The following HERC5 variants were observed in gnomAD, a reference collection of about 807,000 sequenced individuals.
HERC5 encodes the protein E3 ISG15--protein ligase HERC5.
Under a neutral mutation model 119.6 loss-of-function variants are expected in HERC5, and 99 were observed. That is an observed-to-expected ratio of 0.83 (90% confidence interval 0.70 to 0.98). The LOEUF (loss-of-function observed/expected upper bound fraction) is 0.98. Among genes scored for constraint, HERC5 ranks in the 50% least tolerant of loss-of-function variants. The pLI, the probability that HERC5 is intolerant of heterozygous loss-of-function variation, is 0.00. For missense variants in HERC5, 1,267 were observed against 1,241.3 expected (o/e 1.02, Z -0.31); for synonymous variants, 478 against 445.9 (o/e 1.07, Z -0.91).
chr4:88,501,234 C>T (rs1002992837), intron 20 of HERC5, among the ~76,000 whole-genome samples: 2 of 152,202 alleles, frequency 1.3e-5, no homozygotes, highest in African/African-American at 2.4e-5. Context: ...ACACCAACAT[C>T]TGTCCCTCTT....
chr4:88,499,078 T>C (rs764433933), intron 18 of HERC5, among the ~76,000 whole-genome samples: 5 of 152,232 alleles, frequency 3.3e-5, no homozygotes, highest in African/African-American at 9.6e-5. Flanking sequence ...CCCAATGTCA[T>C]GTATCCCTTC....
chr4:88,460,233 A>G (rs1217298152), intron 3 of HERC5, 62 bp downstream of exon 3: 3 of 781,786 alleles, frequency 3.8e-6, no homozygotes, highest in Non-Finnish European at 6.4e-6. Context: ...ATGTGGAGCC[A>G]GTAGAATGTC....
intron 20 of HERC5, among the ~76,000 whole-genome samples, chr4:88,501,294 A>C (rs1248524809): frequency 1.3e-5 from 2 of 152,034 alleles, no homozygotes; most frequent in Admixed American, 1.3e-4. Flanking sequence ...ACCTACCTTT[A>C]GGGTTTATTT....
intron 7 of HERC5, chr4:88,467,937 G>A (rs1578044288): frequency 1.1e-6 from 1 of 945,138 alleles, no homozygotes; most frequent in Non-Finnish European, 1.3e-6. Flanking sequence ...TAAGCAGCAT[G>A]TATTATCTTT....
chr4:88,464,991 C>T (rs1043469773), intron 6 of HERC5, among the ~76,000 whole-genome samples: 3 of 152,054 alleles, frequency 2.0e-5, no homozygotes, highest in South Asian at 2.1e-4. Context: ...AGGATGGTCT[C>T]GATGTCCTGA....
At chr4:88,496,631 G>T (rs1741803365) in intron 18 of HERC5, among the ~76,000 whole-genome samples, 1 of 152,154 alleles carries the variant, frequency 6.6e-6, no homozygotes, top group South Asian at 2.1e-4. Context: ...TGCCATACAT[G>T]ATAATCACCT....
At chr4:88,499,802 G>A in intron 18 of HERC5, 124 bp from the exon 19 acceptor site, 1 of 622,434 alleles carries the variant, frequency 1.6e-6, no homozygotes, top group Non-Finnish European at 2.9e-6. Flanking sequence ...CAGAGAAAGA[G>A]GTGCTGTGAA....
At chr4:88,459,323 T>A (rs377737513) in intron 1 of HERC5, 24 bp from the exon 2 acceptor site, 125 of 1,537,406 alleles carry the variant, frequency 8.1e-5, no homozygotes, top group Non-Finnish European at 1.1e-4. Flanking sequence ...GTGACAATAG[T>A]TCCTGGTTGG....
chr4:88,457,742 G>A (rs1436645680), intron 1 of HERC5, among the ~76,000 whole-genome samples: 1 of 152,218 alleles, frequency 6.6e-6, no homozygotes, highest in Non-Finnish European at 1.5e-5. Context: ...CGGGATACTG[G>A]CGACCAGCGG....
chr4:88,492,423 T>C (rs578182110), intron 16 of HERC5, among the ~76,000 whole-genome samples: 4 of 151,992 alleles, frequency 2.6e-5, no homozygotes, highest in Non-Finnish European at 5.9e-5. Flanking sequence ...AACTTTAGGC[T>C]CTGGGGTTTG....
At position 88,504,500 on chromosome 4, in the gene HERC5, A is replaced by G; in HGVS notation, c.2772A>G (p.Ala924=). The change falls in exon 22 of 23, where the codon GCA becomes GCG. Residue 924 remains alanine (A), a synonymous_variant. Coordinates refer to ENST00000264350, the MANE Select transcript of HERC5 (RefSeq NM_016323.4). ...DYDWKTFEKN[A]RYEPGYNSSH... is the part of the protein sequence containing the mutation. ...TTTTTTTGTATTTTCTCTAGAATGC[A>G]CGTTATGAACCAGGATATAACAGTT... The G allele has an allele frequency of 1.3e-6, 2 of 1,575,512 alleles. No homozygotes were observed. Among genetic ancestry groups the G allele is most frequent in the Non-Finnish European group, 1.7e-6 (2 of 1,160,370 alleles).
At chr4:88,465,522 C>T (rs1296541158) in intron 6 of HERC5, among the ~76,000 whole-genome samples, 1 of 152,168 alleles carries the variant, frequency 6.6e-6, no homozygotes, top group Non-Finnish European at 1.5e-5. Context: ...GAATATGAGT[C>T]TCTTCACCAA....
chr4:88,476,915 G>A (rs1394561328), intron 12 of HERC5, among the ~76,000 whole-genome samples: 10 of 148,180 alleles, frequency 6.7e-5, no homozygotes, highest in African/African-American at 2.5e-5. Flanking sequence ...GTGAGACTCC[G>A]TCCCAAAAAA....
chr4:88,482,805 A>G lies in HERC5; in HGVS notation c.1737+3298A>G, dbSNP rs570589574. ...ACCACCATGCCTGGCTAATTTTTGT[A>G]TTTTTTGTAGAGACGAGGTTTCACC... On this transcript the variant is annotated intron_variant, in intron 13 of 22. Transcript: ENST00000264350. Among the ~76,000 whole-genome samples the G allele has an allele frequency of 3.8e-4, 58 of 152,064 alleles. 1 individual carries two copies. The highest frequency in any genetic ancestry group is 7.6e-4 in the Non-Finnish European group (52 of 67,982).
intron 13 of HERC5, among the ~76,000 whole-genome samples, 167 bp downstream of exon 13, chr4:88,479,674 T>C (rs1741209491): frequency 6.6e-6 from 1 of 152,072 alleles, no homozygotes; most frequent in Non-Finnish European, 1.5e-5. Flanking sequence ...GGAATATATA[T>C]ATAATACCTA....
At chr4:88,503,926 G>T (rs190974331) in intron 20 of HERC5, among the ~76,000 whole-genome samples, 1 of 152,180 alleles carries the variant, frequency 6.6e-6, no homozygotes, top group East Asian at 1.9e-4. Flanking sequence ...AATTAGCTGG[G>T]CATGGTGGCA....
chr4:88,470,119 GA>G (rs1430974460), intron 9 of HERC5, among the ~76,000 whole-genome samples: 1 of 152,132 alleles, frequency 6.6e-6, no homozygotes, highest in African/African-American at 2.4e-5. Context: ...TCTAATTCTG[GA>G]AAATGATTGT....
intron 18 of HERC5, among the ~76,000 whole-genome samples, chr4:88,497,992 G>T (rs1417166665): frequency 6.6e-6 from 1 of 152,306 alleles, no homozygotes; most frequent in Admixed American, 6.5e-5. Context: ...TTGCATTCTG[G>T]CACAGTGCTC....
chr4:88,476,772 T>C (rs981560902), intron 12 of HERC5, among the ~76,000 whole-genome samples: 12 of 151,566 alleles, frequency 7.9e-5, no homozygotes, highest in Admixed American at 7.2e-4. Context: ...AATACAAAAA[T>C]TAACTGGACT....
Sources: gnomAD v4.1 joint callset for allele counts (sites outside exome capture counted in the v4.1 genomes callset) on GRCh38, gnomAD v4.1.1 for gene constraint, MANE v1.5 for transcripts, NCBI Gene and HGNC (gene_info 2026-07-23, HGNC 2026-07-21) for gene names.